MCF2L2: variants seen among roughly 807,000 people sequenced by gnomAD.
MCF2L2 encodes the protein MCF.2 cell line derived transforming sequence-like 2.
MCF2L2 carries 102 observed loss-of-function variants against 150.2 expected under a neutral mutation model. The ratio of observed to expected loss-of-function variants is 0.68; its 90% CI spans 0.58 to 0.80. The LOEUF (loss-of-function observed/expected upper bound fraction) is 0.80. Ranked by LOEUF, MCF2L2 falls within the 30% of genes least tolerant of loss-of-function variation. MCF2L2 has a pLI of 0.00. For missense variants in MCF2L2, 1,256 were observed against 1,372.8 expected, an observed-to-expected ratio of 0.91 and a Z score of 1.34; for synonymous variants, 465 against 491.3, an observed-to-expected ratio of 0.95 and a Z score of 0.71.
chr3:183,361,622 G>A (rs1304671595), intron 3 of MCF2L2, among the ~76,000 whole-genome samples: 2 of 152,178 alleles, frequency 1.3e-5, no homozygotes, highest in Non-Finnish European at 2.9e-5. Flanking sequence ...TGTACAACCT[G>A]TGGAAATGTG....
At chr3:183,342,352 T>G (rs1009682457) in intron 3 of MCF2L2, among the ~76,000 whole-genome samples, 1 of 152,188 alleles carries the variant, frequency 6.6e-6, no homozygotes, top group Admixed American at 6.5e-5. Flanking sequence ...TTACTAGCAG[T>G]GACACACAGA....
intron 10 of MCF2L2, among the ~76,000 whole-genome samples, chr3:183,302,102 A>G (rs1195609078): frequency 6.6e-6 from 1 of 152,132 alleles, no homozygotes; most frequent in Non-Finnish European, 1.5e-5. Context: ...GGTAGACAAC[A>G]TTTCACACAT....
intron 1 of MCF2L2, among the ~76,000 whole-genome samples, chr3:183,409,888 C>T (rs562553945): frequency 1.1e-4 from 15 of 133,576 alleles, no homozygotes; most frequent in African/African-American, 4.2e-4. Context: ...TTTCCATATC[C>T]TCTAGCCTTT....
chr3:183,309,267 T>C (rs1345589430), intron 10 of MCF2L2, among the ~76,000 whole-genome samples: 1 of 57,540 alleles, frequency 1.7e-5, no homozygotes, highest in African/African-American at 1.5e-4. Flanking sequence ...AAACTAGTTG[T>C]TTTTTTTTTT....
intron 3 of MCF2L2, among the ~76,000 whole-genome samples, chr3:183,368,128 G>C (rs959759542): frequency 1.3e-5 from 2 of 152,192 alleles, no homozygotes; most frequent in Non-Finnish European, 2.9e-5. Context: ...AGTTCAAAAA[G>C]TGTGTTCCCC....
At chr3:183,290,499 T>A (rs557401611) in intron 13 of MCF2L2, among the ~76,000 whole-genome samples, 7 of 152,110 alleles carry the variant, frequency 4.6e-5, no homozygotes, top group African/African-American at 7.2e-5. Flanking sequence ...ACAGGAGACA[T>A]GATTAATCCC....
chr3:183,400,491 A>G (rs112210548), intron 1 of MCF2L2: 20 of 456,308 alleles, frequency 4.4e-5, no homozygotes, highest in Middle Eastern at 6.5e-4. Flanking sequence ...CCAGACCACG[A>G]CTGGATTCCA....
intron 14 of MCF2L2, among the ~76,000 whole-genome samples, chr3:183,280,726 T>A (rs1727419960): frequency 6.6e-6 from 1 of 151,662 alleles, no homozygotes; most frequent in Non-Finnish European, 1.5e-5. Flanking sequence ...TGCGCGCCTG[T>A]ACTCCCAGCT....
chr3:183,179,262 G>A lies in MCF2L2; in HGVS notation c.*118C>T, dbSNP rs1721423566. 2.3e-6 allele frequency: 3 copies of A among 1,317,930 alleles called. No homozygotes were observed. Among genetic ancestry groups the A allele is most frequent in the Non-Finnish European group, 9.7e-7 (1 of 1,028,732 alleles). The allele number at this position is 1,317,930 out of a possible 1,614,324, so 81.6% of individuals were successfully genotyped here. On this transcript the variant is annotated 3_prime_UTR_variant, in exon 30 of 30. Transcript: ENST00000328913. The surrounding 1 kb of genome is among the most constrained non-coding windows in gnomAD (Gnocchi z 4.2). Reference sequence around the variant, plus strand: ...AGGAGGCCCTGGTTGTCCCCTTTCTGCCGCCGCCGAGGCTCCGGCTGCTTT... The same window carrying A: ...AGGAGGCCCTGGTTGTCCCCTTTCTACCGCCGCCGAGGCTCCGGCTGCTTT...
intron 7 of MCF2L2, among the ~76,000 whole-genome samples, chr3:183,316,889 A>G (rs1729626241): frequency 6.6e-6 from 1 of 151,422 alleles, no homozygotes; most frequent in South Asian, 2.1e-4. Flanking sequence ...TATTTTTAGT[A>G]GAGACAGGGT....
intron 3 of MCF2L2, among the ~76,000 whole-genome samples, chr3:183,369,210 G>A (rs554450681): frequency 1.4e-3 from 215 of 152,206 alleles, no homozygotes; most frequent in Middle Eastern, 3.4e-3. Flanking sequence ...AGTCTTACAC[G>A]CCTCGTTATC....
Position 183,270,466 on chromosome 3 carries a change from T to A in MCF2L2, c.1862+6406A>T. ...GTTCAAGACTTTTGGATTGGTCGTG[T>A]TCATCGTGGTGCCCCTCCCATTAGA... is the stretch of plus-strand genomic sequence containing the variant. On this transcript the variant is annotated intron_variant, in intron 15 of 29. Coordinates refer to ENST00000328913, the MANE Select transcript of MCF2L2 (RefSeq NM_015078.4). This position sits in a 1 kb window ranked among gnomAD's most constrained non-coding sequence, Gnocchi z 4.5. 1.2e-6 allele frequency: 2 copies of A among 1,614,214 alleles called. No individual in the cohort carries two copies. The highest frequency in any genetic ancestry group is 1.7e-6 in the Non-Finnish European group (2 of 1,180,028).
intron 6 of MCF2L2, among the ~76,000 whole-genome samples, chr3:183,322,181 C>G (rs1025562031): frequency 6.6e-6 from 1 of 152,192 alleles, no homozygotes; most frequent in Non-Finnish European, 1.5e-5. Context: ...GATCTTTTTC[C>G]TCAATATTAC....
At chr3:183,329,765 C>A (rs190197070) in intron 5 of MCF2L2, among the ~76,000 whole-genome samples, 1 of 152,314 alleles carries the variant, frequency 6.6e-6, no homozygotes, top group Admixed American at 6.5e-5. Context: ...AATTTTGTTG[C>A]TATTCAGTCA....
At position 183,283,927 on chromosome 3, in the gene MCF2L2, T is replaced by G. The variant is rs761343273; in HGVS notation, c.1776+5193A>C. ...CTACCACATTATATATTCCTTTTAC[T>G]GTAGAAACGTCATTCTGCTTTATAT... On this transcript the variant is annotated intron_variant, in intron 14 of 29. Coordinates refer to ENST00000328913, the MANE Select transcript of MCF2L2 (RefSeq NM_015078.4). This position sits in a 1 kb window ranked among gnomAD's most constrained non-coding sequence, Gnocchi z 4.2. 9.9e-5 allele frequency among the ~76,000 whole-genome samples: 15 copies of G among 152,244 alleles called. No homozygotes were observed. The highest frequency in any genetic ancestry group is 5.9e-4 in the Admixed American group (9 of 15,284).
intron 15 of MCF2L2, chr3:183,269,883 A>T: frequency 6.2e-7 from 1 of 1,613,986 alleles, no homozygotes; most frequent in Non-Finnish European, 8.5e-7. Flanking sequence ...AGCGAGCCTC[A>T]TGTTTTTTTG....
At chr3:183,413,190 A>C (rs56116478) in intron 1 of MCF2L2, among the ~76,000 whole-genome samples, 37,618 of 151,848 alleles carry the variant, frequency 0.25, 5,272 homozygotes, top group African/African-American at 0.39. Flanking sequence ...GGGGTGCCAA[A>C]CTCCCTCATG....
chr3:183,398,517 A>G (rs1162234324), intron 1 of MCF2L2, among the ~76,000 whole-genome samples: 1 of 150,982 alleles, frequency 6.6e-6, no homozygotes, highest in Non-Finnish European at 1.5e-5. Flanking sequence ...TAATATTAAT[A>G]TAATATATTT....
rs1009406739 is a variant in MCF2L2, at chr3:183,276,780, G to A, written c.1862+92C>T. ...GATAAATATTATGATTCTTATCTGG[G>A]AAAGACAGGTGCTGAGGTGTAAAAG... On this transcript the variant is annotated intron_variant, in intron 15 of 29. Transcript: ENST00000328913. 1.4e-4 allele frequency: 112 copies of A among 817,000 alleles called. No homozygotes were observed. The African/African-American group carries it at 1.8e-3, about 13-fold the overall frequency. The allele number at this position is 817,000 out of a possible 1,614,324, so 50.6% of individuals were successfully genotyped here.
Sources: allele counts gnomAD v4.1 joint callset (sites outside exome capture counted in the v4.1 genomes callset), GRCh38; gene constraint gnomAD v4.1.1; non-coding constraint Gnocchi (gnomAD v3.1); transcripts MANE v1.5; gene names NCBI Gene and HGNC (gene_info 2026-07-23, HGNC 2026-07-21).